The following FRMD3 variants were observed in gnomAD, a reference collection of about 807,000 sequenced individuals.
FRMD3 encodes the protein FERM domain-containing protein 3.
A neutral mutation model predicts 70.2 loss-of-function variants in FRMD3; 33 were observed. The ratio of observed to expected loss-of-function variants is 0.47; its 90% CI spans 0.36 to 0.63. FRMD3 has a LOEUF of 0.63. Ranked by LOEUF, FRMD3 falls within the 20% of genes least tolerant of loss-of-function variation. The pLI is 0.00. For missense variants in FRMD3, 632 were observed against 711.4 expected (o/e 0.89, Z 1.27); for synonymous variants, 279 against 255.9 (o/e 1.09, Z -0.86).
intron 6 of FRMD3, among the ~76,000 whole-genome samples, chr9:83,317,979 C>A (rs113085154): frequency 6.4e-4 from 98 of 152,324 alleles, no homozygotes; most frequent in African/African-American, 2.2e-3. Flanking sequence ...CCAGTAACCA[C>A]GACTCCAACC....
chr9:83,515,841 A>T (rs781271564), intron 1 of FRMD3, among the ~76,000 whole-genome samples: 1 of 152,218 alleles, frequency 6.6e-6, no homozygotes, highest in Non-Finnish European at 1.5e-5. Context: ...AGAATTTTCA[A>T]TCCAGAATTT....
the FRMD3 span, among the ~76,000 whole-genome samples, chr9:83,568,569 ATGTGT>A: frequency 6.6e-6 from 1 of 152,146 alleles, no homozygotes; most frequent in African/African-American, 2.4e-5. Context: ...GATCTTACTC[ATGTGT>A]GGAATCTAAA....
chr9:83,377,644 C>T (rs1825192178), intron 2 of FRMD3, among the ~76,000 whole-genome samples: 1 of 152,088 alleles, frequency 6.6e-6, no homozygotes, highest in African/African-American at 2.4e-5. Context: ...CTCCTGCTCC[C>T]ACTGTGTGAG....
chr9:83,376,911 T>C (rs1357981886), intron 2 of FRMD3, among the ~76,000 whole-genome samples: 5 of 152,148 alleles, frequency 3.3e-5, no homozygotes, highest in Non-Finnish European at 7.3e-5. Flanking sequence ...GTGTGTCCAA[T>C]ATGATCCTAG....
chr9:83,440,616 T>C (rs1345119542), intron 1 of FRMD3, among the ~76,000 whole-genome samples: 1 of 152,116 alleles, frequency 6.6e-6, no homozygotes, highest in Non-Finnish European at 1.5e-5. Context: ...ATTTGTTCAG[T>C]TGGGGAAGAA....
At chr9:83,559,624 C>T in the FRMD3 span, among the ~76,000 whole-genome samples, 1 of 152,136 alleles carries the variant, frequency 6.6e-6, no homozygotes, top group Admixed American at 6.5e-5. Context: ...TTGGCAGTTC[C>T]ATATGTTTCA....
chr9:83,402,439 T>C lies in FRMD3; in HGVS notation c.148-12731A>G, dbSNP rs529668754. 2.6e-5 allele frequency among the ~76,000 whole-genome samples: 4 copies of C among 151,892 alleles called. No individual in the cohort carries two copies. In the South Asian group the frequency reaches 8.4e-4, roughly 32 times the overall value. On this transcript the variant is annotated intron_variant, in intron 1 of 13. Transcript: ENST00000304195. ...GAGAATCATCTGACAATACAGCTCT[T>C]GGCCCCACTAGGATGATGGGGCCAA...
At position 83,366,948 on chromosome 9, in the gene FRMD3, G is replaced by A. The variant is rs144814829; in HGVS notation, c.295+5965C>T. 7.5e-3 allele frequency among the ~76,000 whole-genome samples: 1,139 copies of A among 152,108 alleles called. 16 individuals are homozygous for A. Among genetic ancestry groups the A allele is most frequent in the African/African-American group, 0.025 (1,022 of 41,500 alleles). On this transcript the variant is annotated intron_variant, in intron 3 of 13. Transcript: ENST00000304195. ...TTCAGGAGGCTGAGGCACAAGAATC[G>A]CTTGAACTCAGGAGGCGGAGGTTGC...
At chr9:83,250,161 G>A (rs1832333297) in intron 13 of FRMD3, among the ~76,000 whole-genome samples, 1 of 152,090 alleles carries the variant, frequency 6.6e-6, no homozygotes. Flanking sequence ...CAGAAGAGGG[G>A]GTGATGGCCC....
At chr9:83,532,102 T>C (rs2131558801) in intron 1 of FRMD3, among the ~76,000 whole-genome samples, 1 of 152,342 alleles carries the variant, frequency 6.6e-6, no homozygotes, top group South Asian at 2.1e-4. Context: ...ACTTGACATA[T>C]AATCCTTATT....
intron 10 of FRMD3, among the ~76,000 whole-genome samples, chr9:83,301,351 G>A (rs756091065): frequency 7.2e-5 from 11 of 152,270 alleles, no homozygotes; most frequent in Non-Finnish European, 1.5e-4. Context: ...ATCTACTGGA[G>A]CCTGAGAAAA....
chr9:83,321,541 T>G (rs936473810), intron 6 of FRMD3, among the ~76,000 whole-genome samples: 8 of 152,222 alleles, frequency 5.3e-5, no homozygotes, highest in Middle Eastern at 3.2e-3. Flanking sequence ...TCTGGGAAGA[T>G]ATTTAATACA....
chr9:83,519,810 G>C (rs1016984276), intron 1 of FRMD3, among the ~76,000 whole-genome samples: 1 of 152,178 alleles, frequency 6.6e-6, no homozygotes, highest in African/African-American at 2.4e-5. Flanking sequence ...ATACTATGCA[G>C]CCATAAAAAA....
Position 83,245,576 on chromosome 9 carries a change from T to C in FRMD3, c.*2342A>G. 1.2e-6 allele frequency: 1 copy of C among 864,906 alleles called. No homozygotes were observed. Among genetic ancestry groups the C allele is most frequent in the African/African-American group, 1.8e-5 (1 of 55,104 alleles). 53.6% of individuals were successfully genotyped at this position (864,906 alleles called of 1,614,324 possible). A position where few individuals can be genotyped will look rare whatever the true frequency, so the allele number is the denominator to read the frequency against. On this transcript the variant is annotated 3_prime_UTR_variant, in exon 14 of 14. Coordinates refer to ENST00000304195, the MANE Select transcript of FRMD3 (RefSeq NM_174938.6). The stretch of plus-strand genomic sequence containing the variant: ...TATTACTCCTTAAGATAAATCTGCA[T>C]CGTTGGATTACATGTGATATTTATA...
chr9:83,244,959 G>GTATT lies in FRMD3; in HGVS notation c.*2955_*2958dup. The GTATT allele has an allele frequency of 1.0e-6, 1 of 982,442 alleles. No homozygotes were observed. Among genetic ancestry groups the GTATT allele is most frequent in the Non-Finnish European group, 1.2e-6 (1 of 827,288 alleles). 60.9% of individuals were successfully genotyped at this position (982,442 alleles called of 1,614,324 possible). On this transcript the variant is annotated 3_prime_UTR_variant, in exon 14 of 14. Transcript: ENST00000304195. Reference sequence around the variant, plus strand: ...TAAAGGCAATATTGTGTGTGTATATGTATTTGCCATATGTGTGTGTGTATT... The same window carrying GTATT: ...TAAAGGCAATATTGTGTGTGTATATGTATTTATTTGCCATATGTGTGTGTGTATT...
intron 1 of FRMD3, among the ~76,000 whole-genome samples, chr9:83,406,156 G>A (rs1826096842): frequency 6.6e-6 from 1 of 152,122 alleles, no homozygotes; most frequent in Non-Finnish European, 1.5e-5. Flanking sequence ...ATCTCACAGA[G>A]CACAGAAAGT....
downstream of FRMD3, among the ~76,000 whole-genome samples, chr9:83,244,385 G>GAATT (rs1364702427): frequency 2.6e-5 from 4 of 152,168 alleles, no homozygotes; most frequent in African/African-American, 9.6e-5. Flanking sequence ...TTAATATCAT[G>GAATT]AATTAGATCA....
intron 1 of FRMD3, among the ~76,000 whole-genome samples, chr9:83,391,164 T>A (rs1825656064): frequency 6.6e-6 from 1 of 152,230 alleles, no homozygotes; most frequent in Admixed American, 6.5e-5. Flanking sequence ...TGATTTTGAA[T>A]AAGCTTCAAG....
At chr9:83,512,005 AG>A (rs1829349358) in intron 1 of FRMD3, among the ~76,000 whole-genome samples, 1 of 152,208 alleles carries the variant, frequency 6.6e-6, no homozygotes, top group African/African-American at 2.4e-5. Flanking sequence ...GGACAGACTC[AG>A]GTTCAAATCT....
Sources: gnomAD v4.1 joint callset for allele counts (sites outside exome capture counted in the v4.1 genomes callset) on GRCh38, gnomAD v4.1.1 for gene constraint, MANE v1.5 for transcripts, NCBI Gene and HGNC (gene_info 2026-07-23, HGNC 2026-07-21) for gene names.